The following ARFGEF2 variants were observed in gnomAD, a reference collection of about 807,000 sequenced individuals.
The protein encoded by ARFGEF2 is brefeldin A-inhibited guanine nucleotide-exchange protein 2.
A neutral mutation model predicts 219.9 loss-of-function variants in ARFGEF2; 74 were observed. That is an observed-to-expected ratio of 0.34 (90% confidence interval 0.28 to 0.41). ARFGEF2 has a LOEUF of 0.41. Among genes scored for constraint, ARFGEF2 ranks in the 10% least tolerant of loss-of-function variants. ARFGEF2 has a pLI of 1.00. For missense variants in ARFGEF2, 1,743 were observed against 2,218.3 expected (o/e 0.79, Z 4.30); for synonymous variants, 733 against 799.2 (o/e 0.92, Z 1.40).
In ARFGEF2 at chr20:48,961,854, ACT is replaced by A. The variant is rs1349329720; in HGVS notation, c.839-1970_839-1969del. 7.0e-5 allele frequency among the ~76,000 whole-genome samples: 10 copies of A among 142,564 alleles called. No individual in the cohort carries two copies. The Admixed American group carries it at 7.1e-4, about 10-fold the overall frequency. 93.5% of individuals were successfully genotyped at this position (142,564 alleles called of 152,430 possible). On this transcript the variant is annotated intron_variant, in intron 6 of 38. Transcript: ENST00000371917. Reference sequence around the variant, plus strand: ...ACTCCAACCTGGGCAACAGAGTGAGACTCTCTCAAAAAAAAAAAAAAAGTATA... The same window carrying A: ...ACTCCAACCTGGGCAACAGAGTGAGACTCTCAAAAAAAAAAAAAAAGTATA...
At position 48,965,987 on chromosome 20, in the gene ARFGEF2, C is replaced by T. The variant is rs746170294; in HGVS notation, c.1023C>T (p.Ala341=). The T allele has an allele frequency of 6.8e-6, 11 of 1,613,934 alleles. No individual in the cohort carries two copies. The highest frequency in any genetic ancestry group is 4.5e-5 in the East Asian group (2 of 44,902). The change falls in exon 8 of 39, where the codon GCC becomes GCT. Residue 341 remains alanine (A), a synonymous_variant. Coordinates refer to ENST00000371917, the MANE Select transcript of ARFGEF2 (RefSeq NM_006420.3). The part of the protein sequence containing the change: ...VDENSQTNGI[A]DDRQSLSSAD... Reference sequence around the variant, plus strand: ...AAAACTCACAGACCAACGGGATAGCCGATGACAGGCAGTCCTTGTCGTCAG... The same window carrying T: ...AAAACTCACAGACCAACGGGATAGCTGATGACAGGCAGTCCTTGTCGTCAG...
At chr20:49,014,875 A>G (rs1267819242) in intron 30 of ARFGEF2, among the ~76,000 whole-genome samples, 1 of 152,220 alleles carries the variant, frequency 6.6e-6, no homozygotes, top group Non-Finnish European at 1.5e-5. Context: ...GAACACAGAC[A>G]AAAACAAAGA....
chr20:48,954,487 C>G (rs959993007), intron 6 of ARFGEF2, among the ~76,000 whole-genome samples: 35 of 152,292 alleles, frequency 2.3e-4, no homozygotes, highest in Admixed American at 2.2e-3. Flanking sequence ...CCAAGTGATT[C>G]TGTCAAATGC....
At chr20:49,016,790 G>C (rs1408921648) in intron 31 of ARFGEF2, among the ~76,000 whole-genome samples, 6 of 152,156 alleles carry the variant, frequency 3.9e-5, no homozygotes, top group African/African-American at 1.4e-4. Flanking sequence ...AAAATACCCA[G>C]CTAGCACATT....
At chr20:48,995,741 A>T in intron 22 of ARFGEF2, 42 bp from the exon 23 acceptor site, 1 of 1,537,864 alleles carries the variant, frequency 6.5e-7, no homozygotes, top group South Asian at 1.1e-5. Flanking sequence ...TAAATACTTG[A>T]CTGTTTTTGA....
Position 48,962,928 on chromosome 20 carries a change from G to A in ARFGEF2, c.839-902G>A, listed in dbSNP as rs577152473. 7.7e-4 allele frequency among the ~76,000 whole-genome samples: 117 copies of A among 152,144 alleles called. 1 individual carries two copies. Among genetic ancestry groups the A allele is most frequent in the Admixed American group, 2.2e-3 (34 of 15,280 alleles). On this transcript the variant is annotated intron_variant, in intron 6 of 38. Transcript: ENST00000371917. The stretch of plus-strand genomic sequence containing the variant: ...ATGTTTTATAAATGAGTAATGTTAG[G>A]CCAGGTACAATGGCTCACGCTTGTA...
chr20:48,929,026 G>A (rs1470999394), intron 1 of ARFGEF2, among the ~76,000 whole-genome samples: 6 of 152,344 alleles, frequency 3.9e-5, no homozygotes, highest in African/African-American at 1.2e-4. Flanking sequence ...GTGAAAATGT[G>A]TACTTAATCA....
intron 21 of ARFGEF2, 69 bp from the exon 22 acceptor site, chr20:48,994,382 T>G: frequency 2.5e-6 from 4 of 1,600,078 alleles, no homozygotes; most frequent in Non-Finnish European, 3.4e-6. Flanking sequence ...AATGACTAAC[T>G]TAAGATTACA....
In ARFGEF2 at chr20:49,016,380, A is replaced by T. The variant is rs2123534625; in HGVS notation, c.4280A>T (p.Asp1427Val). The T allele has an allele frequency of 1.9e-6, 3 of 1,613,710 alleles. No homozygotes were observed. Among genetic ancestry groups the T allele is most frequent in the South Asian group, 2.2e-5 (2 of 91,086 alleles). The part of the protein sequence containing the change: ...YEALNEVLLS[D>V]VFAQLQWCVK... ...GCTTTGAATGAAGTTCTTCTTTCTGATGTATTTGCACAATTGCAGTGGTGT... is the reference window on the plus strand; with the variant it reads ...GCTTTGAATGAAGTTCTTCTTTCTGTTGTATTTGCACAATTGCAGTGGTGT... Residue 1427 changes from aspartate to valine, a missense_variant, in exon 31 of 39, where the codon GAT becomes GTT. Physicochemically the swap from Asp to Val is radical, Grantham distance 152. Coordinates refer to ENST00000371917, the MANE Select transcript of ARFGEF2 (RefSeq NM_006420.3).
In ARFGEF2 at chr20:49,001,070, T is replaced by C. The variant is rs1016722811; in HGVS notation, c.3432+2565T>C. 7.0e-4 allele frequency among the ~76,000 whole-genome samples: 105 copies of C among 148,960 alleles called. 1 individual carries two copies. The highest frequency in any genetic ancestry group is 2.6e-3 in the African/African-American group (103 of 40,364). ...TCAGGAACTCTTTTTTTTTTTTTTT[T>C]TTTTTTTTTGAGACAGAGTTTCGCA... is the stretch of plus-strand genomic sequence containing the variant. On this transcript the variant is annotated intron_variant, in intron 25 of 38. Transcript: ENST00000371917.
rs3091900 is a variant in ARFGEF2 at position 49,031,917 on chromosome 20, CA to C, written c.5064-120del. The C allele has an allele frequency of 0.36, 216,938 of 605,258 alleles. 12,753 individuals carry two copies. The highest frequency in any genetic ancestry group is 0.46 in the East Asian group (14,287 of 31,286). 37.5% of individuals were successfully genotyped at this position (605,258 alleles called of 1,614,324 possible). A position where few individuals can be genotyped will look rare whatever the true frequency, so the allele number is the denominator to read the frequency against. On this transcript the variant is annotated intron_variant, in intron 37 of 38. Coordinates refer to ENST00000371917, the MANE Select transcript of ARFGEF2 (RefSeq NM_006420.3). ...TGGGCCGCAGAGCAAGACCCTGTCT[CA>C]AAAAAAAAAAAGTAATTAAAAAAAA...
chr20:48,950,794 TAAAAAA>T (rs1308938052), intron 3 of ARFGEF2, among the ~76,000 whole-genome samples: 453 of 35,870 alleles, frequency 0.013, 8 homozygotes, highest in Non-Finnish European at 0.021. Context: ...AGACCCTGTC[TAAAAAA>T]AAAAAAAAAA....
rs372638853 is a variant in ARFGEF2 at position 49,024,788 on chromosome 20, G to A, written c.4756-525G>A. Among the ~76,000 whole-genome samples, 17 of 152,090 alleles carry A rather than the reference G, an allele frequency of 1.1e-4. 1 individual carries two copies. The highest frequency in any genetic ancestry group is 9.7e-4 in the East Asian group (5 of 5,164). On this transcript the variant is annotated intron_variant, in intron 35 of 38. Transcript: ENST00000371917. ...GCCGAGGCAGGCGGATCACGAGGTC[G>A]AGTCTGAGATCATTCTGACCAACAT...
At chr20:48,974,397 C>T (rs1039147397) in intron 12 of ARFGEF2, among the ~76,000 whole-genome samples, 1 of 152,048 alleles carries the variant, frequency 6.6e-6, no homozygotes, top group African/African-American at 2.4e-5. Flanking sequence ...CAGGCGTGAG[C>T]CACAGCGCCT....
intron 26 of ARFGEF2, among the ~76,000 whole-genome samples, chr20:49,005,753 A>G (rs1385661250): frequency 2.6e-5 from 4 of 151,184 alleles, no homozygotes; most frequent in Admixed American, 6.6e-5. Flanking sequence ...AAAAAAAAAA[A>G]AAAAAGAAAA....
chr20:49,033,340 G>C lies in ARFGEF2; in HGVS notation c.*141G>C, dbSNP rs200664908. On this transcript the variant is annotated 3_prime_UTR_variant, in exon 39 of 39. Coordinates refer to ENST00000371917, the MANE Select transcript of ARFGEF2 (RefSeq NM_006420.3). ...TGGCCTGGAAACGGATGGCCTCTAC[G>C]CTGTTCCATCACAGTCTCCAACTAA... 1 of 897,202 alleles carries C rather than the reference G, an allele frequency of 1.1e-6. No homozygotes were observed. The highest frequency in any genetic ancestry group is 2.1e-5 in the Admixed American group (1 of 47,280). The allele number at this position is 897,202 out of a possible 1,614,324, so 55.6% of individuals were successfully genotyped here.
At chr20:49,020,159 G>T (rs532130967) in intron 34 of ARFGEF2, among the ~76,000 whole-genome samples, 1 of 152,326 alleles carries the variant, frequency 6.6e-6, no homozygotes, top group South Asian at 2.1e-4. Flanking sequence ...ATGGGAACTT[G>T]TGAAGGTTGT....
chr20:48,972,507 C>A (rs1282294395), intron 11 of ARFGEF2, 82 bp downstream of exon 11: 3 of 1,080,610 alleles, frequency 2.8e-6, no homozygotes, highest in Non-Finnish European at 4.3e-6. Flanking sequence ...TCTAACCCCT[C>A]CTTTTAGAGT....
chr20:48,990,293 A>G (rs926027937), intron 20 of ARFGEF2, among the ~76,000 whole-genome samples: 6 of 152,276 alleles, frequency 3.9e-5, no homozygotes, highest in African/African-American at 1.4e-4. Context: ...TAAAAATACT[A>G]TTTCCTTTTT....
Sources: gnomAD v4.1 joint callset for allele counts (sites outside exome capture counted in the v4.1 genomes callset) on GRCh38, gnomAD v4.1.1 for gene constraint, MANE v1.5 for transcripts, NCBI Gene and HGNC (gene_info 2026-07-23, HGNC 2026-07-21) for gene names.